The following PIWIL1 variants were observed in gnomAD, a reference collection of about 807,000 sequenced individuals.
The protein encoded by PIWIL1 is piwi-like protein 1.
PIWIL1 carries 73 observed loss-of-function variants against 114.4 expected under a neutral mutation model. That is an observed-to-expected ratio of 0.64 (90% CI 0.53 to 0.78). The LOEUF is 0.78. PIWIL1 is among the 30% of genes least tolerant of loss of function. The probability of loss-of-function intolerance (pLI) is 0.00; values close to 1 mark genes in which losing one functional copy is unlikely to be tolerated. For missense variants in PIWIL1, 723 were observed against 1,063.1 expected, an observed-to-expected ratio of 0.68 and a Z score of 4.45; for synonymous variants, 375 against 369.0, an observed-to-expected ratio of 1.02 and a Z score of -0.19.
chr12:130,357,553 A>G lies in PIWIL1; in HGVS notation c.1665A>G (p.Ile555Met). 2 of 1,603,178 alleles carry G rather than the reference A, an allele frequency of 1.2e-6. No individual in the cohort carries two copies. Among genetic ancestry groups the G allele is most frequent in the Non-Finnish European group, 1.7e-6 (2 of 1,170,208 alleles). ...LQQKVTADTQ[I>M]VVCLLSSNRK... ...AAAAGGTCACAGCAGACACCCAGAT[A>G]GTAAGTAACTAATTGACATATAGGC... is the stretch of plus-strand genomic sequence containing the variant. Residue 555 changes from isoleucine to methionine, a missense_variant and splice_region_variant, in exon 14 of 21, where the codon ATA (isoleucine) becomes ATG (methionine). Ile to Met is a conservative substitution (Grantham distance 10). Coordinates refer to ENST00000245255, the MANE Select transcript of PIWIL1 (RefSeq NM_004764.5).
rs1165193288 is a variant in PIWIL1, at chr12:130,362,851, G to C, written c.2041+15G>C. ...CTGCCTGCAAGGTTAGTCACCTGTG[G>C]GGTTGCCATTCTACTCTCTAAACTG... On this transcript the variant is annotated intron_variant, in intron 17 of 20. Transcript: ENST00000245255. The C allele has an allele frequency of 1.9e-6, 3 of 1,613,148 alleles. No individual in the cohort carries two copies. The highest frequency in any genetic ancestry group is 2.5e-6 in the Non-Finnish European group (3 of 1,179,360).
chr12:130,385,130 A>G, the PIWIL1 span, among the ~76,000 whole-genome samples: 6 of 152,156 alleles, frequency 3.9e-5, no homozygotes, highest in Non-Finnish European at 5.9e-5. Flanking sequence ...TTTCATTTCC[A>G]TAGATAATGA....
At chr12:130,414,366 G>A in the PIWIL1 span, 23 of 1,481,808 alleles carry the variant, frequency 1.6e-5, no homozygotes, top group South Asian at 4.1e-5. Flanking sequence ...GAGCGTGCAC[G>A]GGAAATGCAG....
the PIWIL1 span, among the ~76,000 whole-genome samples, chr12:130,422,088 G>A: frequency 1.3e-5 from 2 of 152,154 alleles, no homozygotes; most frequent in African/African-American, 4.8e-5. The surrounding 1 kb of genome is among the most constrained non-coding windows in gnomAD (Gnocchi z 5.2). Context: ...ACAGACCCCT[G>A]AGGCACGCTG....
At chr12:130,412,543 C>A in the PIWIL1 span, 1 of 1,369,462 alleles carries the variant, frequency 7.3e-7, no homozygotes. Flanking sequence ...CTCCTCATCA[C>A]CGCCTGCCTC....
chr12:130,395,111 G>T, the PIWIL1 span, among the ~76,000 whole-genome samples: 1 of 152,182 alleles, frequency 6.6e-6, no homozygotes, highest in African/African-American at 2.4e-5. Flanking sequence ...GGGAGGAAGG[G>T]TTGGAGCCAT....
At position 130,349,425 on chromosome 12, in the gene PIWIL1, T is replaced by G. The variant is rs755795571; in HGVS notation, c.921T>G (p.Val307=). The G allele has an allele frequency of 6.2e-7, 1 of 1,605,772 alleles. No individual in the cohort carries two copies. Among genetic ancestry groups the G allele is most frequent in the Admixed American group, 1.7e-5 (1 of 59,926 alleles). The change falls in exon 8 of 21, where the codon GTT becomes GTG. Residue 307 remains valine, a synonymous_variant. Transcript: ENST00000245255. ...TTTCCAAAGAACTAATAGGTTTAGT[T>G]GTTCTTACCAAGTAAGACTGCTTTT... is the stretch of plus-strand genomic sequence containing the variant. The part of the protein sequence containing the change: ...EQVSKELIGL[V]VLTKYNNKTY...
the PIWIL1 span, among the ~76,000 whole-genome samples, chr12:130,392,079 GGATGCA>G: frequency 1.5e-4 from 19 of 123,934 alleles, no homozygotes; most frequent in East Asian, 4.8e-4. Flanking sequence ...GTCATCACGT[GGATGCA>G]TCAGTTACCC....
At chr12:130,383,103 A>T in the PIWIL1 span, among the ~76,000 whole-genome samples, 142,453 of 152,286 alleles carry the variant, frequency 0.94, 66,756 homozygotes, top group Non-Finnish European at 0.96. Flanking sequence ...CGTTGTCCAG[A>T]GTGAAAAATT....
chr12:130,424,502 A>C, the PIWIL1 span: 2 of 1,231,892 alleles, frequency 1.6e-6, no homozygotes, highest in Non-Finnish European at 2.0e-6. The surrounding 1 kb of genome is among the most constrained non-coding windows in gnomAD (Gnocchi z 9.8). Context: ...CTTCACTCCC[A>C]CAGTCCAGGC....
chr12:130,380,194 A>G, the PIWIL1 span, among the ~76,000 whole-genome samples: 5 of 144,776 alleles, frequency 3.5e-5, no homozygotes, highest in African/African-American at 1.4e-4. Context: ...CCCAAGTCCC[A>G]TCCAAGCATT....
the PIWIL1 span, among the ~76,000 whole-genome samples, chr12:130,381,904 G>A: frequency 6.6e-6 from 1 of 152,160 alleles, no homozygotes; most frequent in African/African-American, 2.4e-5. Flanking sequence ...AGGACATGTG[G>A]TATGGAACAT....
intron 9 of PIWIL1, 103 bp downstream of exon 9, chr12:130,350,070 T>C: frequency 3.2e-6 from 2 of 630,434 alleles, no homozygotes; most frequent in Non-Finnish European, 5.6e-6. Context: ...TAAAGCTGTG[T>C]GTAAATGTAT....
At chr12:130,412,540 T>C in the PIWIL1 span, 1 of 1,342,874 alleles carries the variant, frequency 7.4e-7, no homozygotes, top group Non-Finnish European at 1.0e-6. Flanking sequence ...GGTCTCCTCA[T>C]CACCGCCTGC....
intron 3 of PIWIL1, among the ~76,000 whole-genome samples, chr12:130,345,056 C>A (rs2073035869): frequency 6.6e-6 from 1 of 152,140 alleles, no homozygotes; most frequent in African/African-American, 2.4e-5. Context: ...TGTTTTTTGG[C>A]TCACATCAGA....
At position 130,348,279 on chromosome 12, in the gene PIWIL1, C is replaced by A; in HGVS notation, c.734+96C>A. 6 of 647,686 alleles carry A rather than the reference C, an allele frequency of 9.3e-6. No homozygotes were observed. In the South Asian group the frequency reaches 1.2e-4, roughly 13 times the overall value. The allele number at this position is 647,686 out of a possible 1,614,324, so 40.1% of individuals were successfully genotyped here. ...GAAATGGTCAAATTTACTACAGTGA[C>A]TGTTAATGCCGCCCATCACATTATG... On this transcript the variant is annotated intron_variant, in intron 7 of 20. Transcript: ENST00000245255.
intron 8 of PIWIL1, 139 bp from the exon 9 acceptor site, chr12:130,349,717 A>G: frequency 1.7e-6 from 1 of 603,488 alleles, no homozygotes; most frequent in Non-Finnish European, 2.9e-6. Flanking sequence ...TCTGTAAGAA[A>G]CCCTGTTCCT....
chr12:130,371,646 A>G lies in PIWIL1; in HGVS notation c.*48A>G. The G allele has an allele frequency of 8.3e-7, 1 of 1,207,830 alleles. No individual in the cohort carries two copies. The highest frequency in any genetic ancestry group is 1.2e-6 in the Non-Finnish European group (1 of 838,534). The allele number at this position is 1,207,830 out of a possible 1,614,324, so 74.8% of individuals were successfully genotyped here. A position where few individuals can be genotyped will look rare whatever the true frequency, so the allele number is the denominator to read the frequency against. On this transcript the variant is annotated 3_prime_UTR_variant, in exon 21 of 21. Coordinates refer to ENST00000245255, the MANE Select transcript of PIWIL1 (RefSeq NM_004764.5). The stretch of plus-strand genomic sequence containing the variant: ...CTTTTCTTTTTGAAATGACTTTGGG[A>G]TTTTTTTAAGCTTTTATTTACTTTT...
the PIWIL1 span, among the ~76,000 whole-genome samples, chr12:130,407,308 G>GCGA: frequency 6.6e-6 from 1 of 152,146 alleles, no homozygotes; most frequent in African/African-American, 2.4e-5. Flanking sequence ...GCTGTGCCAG[G>GCGA]CGACACAACC....
Sources: allele counts gnomAD v4.1 joint callset (sites outside exome capture counted in the v4.1 genomes callset), GRCh38; gene constraint gnomAD v4.1.1; non-coding constraint Gnocchi (gnomAD v3.1); transcripts MANE v1.5; gene names NCBI Gene and HGNC (gene_info 2026-07-23, HGNC 2026-07-21).